Variants in TRABD2B observed in about 807,000 individuals in gnomAD.
TRABD2B encodes metalloprotease TIKI2.
TRABD2B carries 14 observed loss-of-function variants against 40.1 expected under a neutral mutation model. The ratio of observed to expected loss-of-function variants is 0.35; its 90% confidence interval spans 0.23 to 0.55. The LOEUF is 0.55. Among genes scored for constraint, TRABD2B ranks in the 20% least tolerant of loss-of-function variants. The pLI, the probability that TRABD2B is intolerant of heterozygous loss-of-function variation, is 0.90. For missense variants in TRABD2B, 541 were observed against 648.6 expected, an observed-to-expected ratio of 0.83 and a Z score of 1.80; for synonymous variants, 263 against 277.0, an observed-to-expected ratio of 0.95 and a Z score of 0.50.
At chr1:47,802,110 G>A (rs1644831748) in intron 2 of TRABD2B, among the ~76,000 whole-genome samples, 1 of 152,222 alleles carries the variant, frequency 6.6e-6, no homozygotes, top group Non-Finnish European at 1.5e-5. Flanking sequence ...GGAAAGGCCT[G>A]AGGAGCTCGG....
intron 2 of TRABD2B, among the ~76,000 whole-genome samples, chr1:47,967,468 T>C (rs1416450660): frequency 6.6e-6 from 1 of 152,112 alleles, no homozygotes; most frequent in African/African-American, 2.4e-5. Context: ...ACCACATCCA[T>C]ACACTTGACT....
chr1:47,902,416 G>A (rs1445868138), intron 2 of TRABD2B, among the ~76,000 whole-genome samples: 1 of 152,192 alleles, frequency 6.6e-6, no homozygotes, highest in Admixed American at 6.5e-5. Context: ...ACGAGAAGGA[G>A]TCCAGGGTCC....
chr1:47,865,050 A>T (rs1034876726), intron 2 of TRABD2B, among the ~76,000 whole-genome samples: 6 of 152,144 alleles, frequency 3.9e-5, no homozygotes, highest in Admixed American at 3.9e-4. Context: ...GTAATCTCCC[A>T]GGGAGGCAGA....
At chr1:47,889,135 GA>G (rs1286500638) in intron 2 of TRABD2B, among the ~76,000 whole-genome samples, 1 of 152,204 alleles carries the variant, frequency 6.6e-6, no homozygotes, top group East Asian at 1.9e-4. Flanking sequence ...CCAGTGCACA[GA>G]AAGAACCCAA....
intron 2 of TRABD2B, among the ~76,000 whole-genome samples, chr1:47,868,922 A>G (rs1644100576): frequency 6.6e-6 from 1 of 151,932 alleles, no homozygotes; most frequent in Non-Finnish European, 1.5e-5. Flanking sequence ...TAAACTGGAG[A>G]CTCTTCATCC....
chr1:47,818,702 G>T (rs1445682647), intron 2 of TRABD2B: 1 of 152,290 alleles, frequency 6.6e-6, no homozygotes, highest in Non-Finnish European at 1.5e-5. Context: ...AGAGGAAAGA[G>T]CGCTCCTCTC....
intron 2 of TRABD2B, among the ~76,000 whole-genome samples, chr1:47,942,055 T>G (rs1268994670): frequency 6.6e-6 from 1 of 152,214 alleles, no homozygotes; most frequent in Non-Finnish European, 1.5e-5. Context: ...AATGAATGAC[T>G]AAACACTATT....
At chr1:47,963,375 C>G (rs1645550528) in intron 2 of TRABD2B, among the ~76,000 whole-genome samples, 1 of 152,200 alleles carries the variant, frequency 6.6e-6, no homozygotes, top group Non-Finnish European at 1.5e-5. Flanking sequence ...AGCATCAGAG[C>G]CCATCCCTCT....
At chr1:47,871,464 C>T (rs1056690886) in intron 2 of TRABD2B, among the ~76,000 whole-genome samples, 15 of 152,212 alleles carry the variant, frequency 9.9e-5, no homozygotes, top group Non-Finnish European at 1.9e-4. Context: ...CCCCGCCACA[C>T]GTACACACTG....
At chr1:47,978,608 T>A (rs986116551) in intron 2 of TRABD2B, among the ~76,000 whole-genome samples, 4 of 152,174 alleles carry the variant, frequency 2.6e-5, no homozygotes, top group Non-Finnish European at 4.4e-5. Flanking sequence ...TTTGTTTACA[T>A]GAGACAGAGA....
chr1:47,766,559 A>G (rs2124410404), intron 6 of TRABD2B, among the ~76,000 whole-genome samples: 2 of 152,222 alleles, frequency 1.3e-5, no homozygotes, highest in East Asian at 3.8e-4. Context: ...CCCTGCCATT[A>G]TCATAACTAC....
At chr1:47,794,537 A>C (rs1190034115) in intron 4 of TRABD2B, 49 bp downstream of exon 4, 2 of 1,471,814 alleles carry the variant, frequency 1.4e-6, no homozygotes, top group Non-Finnish European at 1.8e-6. Flanking sequence ...AGAGCCAAGC[A>C]AATCTCCCAG....
intron 2 of TRABD2B, among the ~76,000 whole-genome samples, chr1:47,880,517 T>C (rs1408624099): frequency 3.9e-5 from 6 of 152,188 alleles, no homozygotes; most frequent in Non-Finnish European, 8.8e-5. Context: ...TGACACAGCA[T>C]GGAACGCGGA....
chr1:47,981,823 A>G (rs1056752779), intron 2 of TRABD2B, among the ~76,000 whole-genome samples: 2 of 152,254 alleles, frequency 1.3e-5, no homozygotes, highest in African/African-American at 4.8e-5. Context: ...GATGGCTGAT[A>G]AAGGCCTTCT....
chr1:47,900,804 A>G (rs1019481237), intron 2 of TRABD2B, among the ~76,000 whole-genome samples: 26 of 152,304 alleles, frequency 1.7e-4, no homozygotes, highest in African/African-American at 6.0e-4. Flanking sequence ...CTGAGACCAC[A>G]GGACAGCATT....
intron 2 of TRABD2B, among the ~76,000 whole-genome samples, chr1:47,859,965 A>G (rs145961149): frequency 6.6e-6 from 1 of 152,306 alleles, no homozygotes; most frequent in African/African-American, 2.4e-5. Context: ...GAGGTGACGT[A>G]TCTTGCCCAG....
At chr1:47,990,269 T>C (rs1645981522) in intron 2 of TRABD2B, among the ~76,000 whole-genome samples, 1 of 152,152 alleles carries the variant, frequency 6.6e-6, no homozygotes. Context: ...TCATCCAGTG[T>C]CTCCGACTCT....
Position 47,996,751 on chromosome 1 carries a change from G to A in TRABD2B, c.39C>T (p.Leu13=), listed in dbSNP as rs1646098628. ...GCGGGCGGGCGCGAGCGGTGGCGAGGAGGGCGGCGAGCAGCGGCCCCGCCA... is the reference window on the plus strand; with the variant it reads ...GCGGGCGGGCGCGAGCGGTGGCGAGAAGGGCGGCGAGCAGCGGCCCCGCCA... ...AALAGPLLAA[L]LATARARPQP... The change falls in exon 1 of 7, where the codon CTC becomes CTT. Residue 13 remains leucine (L), a synonymous_variant. Coordinates refer to ENST00000606738, the MANE Select transcript of TRABD2B (RefSeq NM_001194986.2). The surrounding 1 kb of genome is among the most constrained non-coding windows in gnomAD (Gnocchi z 4.6). 2 of 1,222,312 alleles carry A rather than the reference G, an allele frequency of 1.6e-6. No homozygotes were observed. The highest frequency in any genetic ancestry group is 1.0e-6 in the Non-Finnish European group (1 of 981,254). The allele number at this position is 1,222,312 out of a possible 1,614,324, so 75.7% of individuals were successfully genotyped here. A position where few individuals can be genotyped will look rare whatever the true frequency, so the allele number is the denominator to read the frequency against.
intron 2 of TRABD2B, among the ~76,000 whole-genome samples, chr1:47,904,189 G>A (rs1272233771): frequency 6.6e-6 from 1 of 152,204 alleles, no homozygotes; most frequent in African/African-American, 2.4e-5. Context: ...CCTGGAGGAG[G>A]AGTGATCTGA....
Sources: gnomAD v4.1 joint callset for allele counts (sites outside exome capture counted in the v4.1 genomes callset) on GRCh38, gnomAD v4.1.1 for gene constraint, Gnocchi (gnomAD v3.1) non-coding constraint, MANE v1.5 for transcripts, NCBI Gene and HGNC (gene_info 2026-07-23, HGNC 2026-07-21) for gene names.